CROCC: variants seen among roughly 807,000 people sequenced by gnomAD.
The protein encoded by CROCC is ciliary rootlet coiled-coil, rootletin, also known as rootletin.
CROCC carries 180 observed loss-of-function variants against 245.2 expected under a neutral mutation model. The ratio of observed to expected loss-of-function variants is 0.73; its 90% CI spans 0.65 to 0.83. The LOEUF is 0.83. Among genes scored for constraint, CROCC ranks in the 40% least tolerant of loss-of-function variants. The pLI, the probability that CROCC is intolerant of heterozygous loss-of-function variation, is 0.00. For missense variants in CROCC, 2,688 were observed against 2,779.4 expected (o/e 0.97, Z 0.74); for synonymous variants, 1,205 against 1,241.6 (o/e 0.97, Z 0.62).
chr1:16,922,872 G>C (rs1372129493), intron 2 of CROCC, 74 bp downstream of exon 2: 2 of 1,549,370 alleles, frequency 1.3e-6, no homozygotes, highest in South Asian at 1.2e-5. Context: ...TTCCTGAGCA[G>C]TCACCATGAT....
At position 16,952,184 on chromosome 1, in the gene CROCC, T is replaced by A. The variant is rs189998617; in HGVS notation, c.3006+1062T>A. 5.7e-3 allele frequency among the ~76,000 whole-genome samples: 853 copies of A among 148,898 alleles called. 32 individuals are homozygous for A. The highest frequency in any genetic ancestry group is 0.053 in the Admixed American group (806 of 15,080). On this transcript the variant is annotated intron_variant, in intron 20 of 36. Transcript: ENST00000375541. ...TTACAGGCATGAGCTACGGTGAAGA[T>A]CTTAAAGAAGGGGCGGTTTGGCCGG...
chr1:16,959,336 C>G (rs1410039054), intron 26 of CROCC, among the ~76,000 whole-genome samples: 2 of 152,274 alleles, frequency 1.3e-5, no homozygotes, highest in East Asian at 3.9e-4. Context: ...CCATTAGCCC[C>G]ATTTTACAGA....
At chr1:16,938,510 A>T in intron 11 of CROCC, 27 bp downstream of exon 11, 1 of 1,543,184 alleles carries the variant, frequency 6.5e-7, no homozygotes, top group Non-Finnish European at 8.8e-7. Context: ...GCGGGAAGAC[A>T]GCGCCCTGCC....
chr1:16,960,871 C>G lies in CROCC; in HGVS notation c.4146C>G (p.Asp1382Glu), dbSNP rs1349641497. ...GTGGCACTGAAAAGCAGCAGCTGGACCACGCCCGCGGCCTGGAGCTGAAGC... is the reference window on the plus strand; with the variant it reads ...GTGGCACTGAAAAGCAGCAGCTGGAGCACGCCCGCGGCCTGGAGCTGAAGC... ...EARGTEKQQLDHARGLELKLE... is the reference protein window; with the variant it reads ...EARGTEKQQLEHARGLELKLE... Residue 1382 changes from aspartate (D) to glutamate (E), a missense_variant, in exon 27 of 37, where the codon GAC (aspartate) becomes GAG (glutamate). Physicochemically the swap from Asp to Glu is conservative, Grantham distance 45. Coordinates refer to ENST00000375541, the MANE Select transcript of CROCC (RefSeq NM_014675.5). The G allele has an allele frequency of 6.6e-7, 1 of 1,516,366 alleles. No individual in the cohort carries two copies. Among genetic ancestry groups the G allele is most frequent in the African/African-American group, 1.4e-5 (1 of 71,006 alleles). 93.9% of individuals were successfully genotyped at this position (1,516,366 alleles called of 1,614,324 possible).
rs779968050 is a variant in CROCC at position 16,930,412 on chromosome 1, C to T, written c.684-17C>T. ...CCCCCTGCGCGAGCGCCTACTGATCCCCTGTGCCCCATTCAGGAGTGCCAG... is the reference window on the plus strand; with the variant it reads ...CCCCCTGCGCGAGCGCCTACTGATCTCCTGTGCCCCATTCAGGAGTGCCAG... On this transcript the variant is annotated splice_polypyrimidine_tract_variant and intron_variant, in intron 6 of 36. Transcript: ENST00000375541. 2.5e-6 allele frequency: 4 copies of T among 1,611,100 alleles called. No homozygotes were observed. The highest frequency in any genetic ancestry group is 3.3e-5 in the Admixed American group (2 of 60,022).
chr1:16,938,061 G>T (rs1326961698), intron 10 of CROCC, among the ~76,000 whole-genome samples: 2 of 152,280 alleles, frequency 1.3e-5, no homozygotes, highest in Non-Finnish European at 1.5e-5. Flanking sequence ...TCCAGATGCG[G>T]CCTCTGGCAA....
intron 26 of CROCC, among the ~76,000 whole-genome samples, chr1:16,959,937 G>A (rs1427457798): frequency 6.6e-6 from 1 of 151,350 alleles, no homozygotes; most frequent in Non-Finnish European, 1.5e-5. Flanking sequence ...ATAAGCTGCT[G>A]TCAAGCTATT....
chr1:16,930,400 C>T (rs376960739), intron 6 of CROCC, 29 bp from the exon 7 acceptor site: 10 of 1,611,142 alleles, frequency 6.2e-6, no homozygotes, highest in African/African-American at 2.7e-5. Flanking sequence ...CCTGCGCGAG[C>T]GCCTACTGAT....
At chr1:16,918,300 C>CTTTTTTTTTTTTTTTTTTTT (rs201445636), upstream of CROCC, among the ~76,000 whole-genome samples, 1 of 123,872 alleles carries the variant, frequency 8.1e-6, no homozygotes. Flanking sequence ...GGAATTCAGT[C>CTTTTTTTTTTTTTTTTTTTT]TTTTTTTTTT....
At chr1:16,958,064 G>T (rs2076275318) in intron 25 of CROCC, among the ~76,000 whole-genome samples, 1 of 152,182 alleles carries the variant, frequency 6.6e-6, no homozygotes, top group South Asian at 2.1e-4. Flanking sequence ...ATCCCAGTCT[G>T]GTGTGTGTGG....
chr1:16,924,497 G>A lies in CROCC; in HGVS notation c.351+18G>A. On this transcript the variant is annotated intron_variant, in intron 3 of 36. Coordinates refer to ENST00000375541, the MANE Select transcript of CROCC (RefSeq NM_014675.5). ...GCGAGAGGGTGGGTGCCGCCCAGGT[G>A]GTGGACTAGGCCAGGGTTCCCCTCG... is the stretch of plus-strand genomic sequence containing the variant. 1.2e-6 allele frequency: 2 copies of A among 1,607,318 alleles called. No individual in the cohort carries two copies. The highest frequency in any genetic ancestry group is 1.7e-6 in the Non-Finnish European group (2 of 1,175,096).
At chr1:16,945,715 G>A in intron 15 of CROCC, 109 bp downstream of exon 15, 3 of 1,160,402 alleles carry the variant, frequency 2.6e-6, no homozygotes, top group Non-Finnish European at 3.7e-6. Context: ...TCTGAGCCTG[G>A]TCACAGACTG....
chr1:16,960,643 G>C, intron 26 of CROCC, 115 bp from the exon 27 acceptor site: 2 of 1,262,724 alleles, frequency 1.6e-6, no homozygotes, highest in Admixed American at 4.1e-5. Flanking sequence ...CACTAAAGGA[G>C]AAAGGGTTGT....
In CROCC at chr1:16,924,336, G is replaced by C. The variant is rs781681748; in HGVS notation, c.208G>C (p.Ala70Pro). Residue 70 changes from alanine to proline, a missense_variant, in exon 3 of 37, where the codon GCC becomes CCC. This residue lies in a region of CROCC where 972 missense variants were observed against 895.3 expected (regional missense o/e 1.09). Transcript: ENST00000375541. ...CTGTCCCTTGCCAGTCCTGCTGCCG[G>C]CCACAGAGATGGCATCGCTGCTGTC... ...SQPESPVLLP[A>P]TEMASLLSLQ... 1.2e-6 allele frequency: 2 copies of C among 1,612,420 alleles called. No individual in the cohort carries two copies. The highest frequency in any genetic ancestry group is 2.7e-5 in the African/African-American group (2 of 74,958).
At chr1:16,936,222 A>T (rs545512824) in intron 8 of CROCC, among the ~76,000 whole-genome samples, 2 of 152,182 alleles carry the variant, frequency 1.3e-5, no homozygotes, top group Admixed American at 6.6e-5. Context: ...CATAGCTGGG[A>T]CTGCAGGTGT....
intron 3 of CROCC, among the ~76,000 whole-genome samples, chr1:16,928,814 TAAATA>T (rs1354478516): frequency 6.6e-5 from 10 of 151,468 alleles, no homozygotes; most frequent in African/African-American, 2.4e-4. Context: ...AAAAAATAAA[TAAATA>T]AAATAAAATA....
intron 15 of CROCC, 149 bp from the exon 16 acceptor site, chr1:16,946,110 G>T (rs2076039140): frequency 1.1e-5 from 10 of 911,532 alleles, no homozygotes; most frequent in Admixed American, 2.9e-5. Context: ...TTTCTGCGGT[G>T]ATTTTTTTTT....
At chr1:16,916,844 G>A (rs1405949908) in intron 1 of CROCC, among the ~76,000 whole-genome samples, 4 of 152,288 alleles carry the variant, frequency 2.6e-5, no homozygotes, top group Non-Finnish European at 5.9e-5. Flanking sequence ...TGGGCTGGGC[G>A]CAGTGGCTCA....
intron 26 of CROCC, among the ~76,000 whole-genome samples, chr1:16,959,945 A>G (rs1426983370): frequency 6.6e-6 from 1 of 151,534 alleles, no homozygotes; most frequent in Non-Finnish European, 1.5e-5. Context: ...CTGTCAAGCT[A>G]TTAAAAACAA....
Sources: allele counts gnomAD v4.1 joint callset (sites outside exome capture counted in the v4.1 genomes callset), GRCh38; gene constraint gnomAD v4.1.1; regional missense constraint gnomAD v4.1.1; transcripts MANE v1.5; gene names NCBI Gene and HGNC (gene_info 2026-07-23, HGNC 2026-07-21).